Variants in DPYD observed in about 807,000 individuals in gnomAD.
The protein encoded by DPYD is dihydropyrimidine dehydrogenase [NADP(+)].
A neutral mutation model predicts 116.2 loss-of-function variants in DPYD; 109 were observed. That is an observed-to-expected ratio of 0.94 (90% confidence interval 0.80 to 1.10). The LOEUF (loss-of-function observed/expected upper bound fraction) is 1.10, where lower values mean the gene tolerates loss of function less well. DPYD is among the 50% of genes least tolerant of loss of function. The probability of loss-of-function intolerance (pLI) is 0.00; values close to 1 mark genes in which losing one functional copy is unlikely to be tolerated. For missense variants in DPYD, 1,302 were observed against 1,254.5 expected, an observed-to-expected ratio of 1.04 and a Z score of -0.57; for synonymous variants, 440 against 432.0, an observed-to-expected ratio of 1.02 and a Z score of -0.23.
intron 12 of DPYD, among the ~76,000 whole-genome samples, chr1:97,526,823 C>G (rs998743829): frequency 6.6e-6 from 1 of 152,144 alleles, no homozygotes; most frequent in African/African-American, 2.4e-5. Context: ...AAAAATAGGA[C>G]AGTTAAAATG....
rs1223986153 is a variant in DPYD, at chr1:97,224,999, GTCTGTCTATCTATCTATCTA to G, written c.2442+9833_2442+9852del. ...TACAGATCTATCTAACTATCTGTCTGTCTGTCTATCTATCTATCTATCTATCTATCTATCTATCTATCTAT... is the reference window on the plus strand; with the variant it reads ...TACAGATCTATCTAACTATCTGTCTGTCTATCTATCTATCTATCTATCTAT... On this transcript the variant is annotated intron_variant, in intron 19 of 22. Coordinates refer to ENST00000370192, the MANE Select transcript of DPYD (RefSeq NM_000110.4). Among the ~76,000 whole-genome samples, 195 of 142,364 alleles carry G rather than the reference GTCTGTCTATCTATCTATCTA, an allele frequency of 1.4e-3. 1 individual carries two copies. The highest frequency in any genetic ancestry group is 3.1e-3 in the African/African-American group (117 of 38,310). 93.4% of individuals were successfully genotyped at this position (142,364 alleles called of 152,430 possible).
chr1:97,115,279 C>T (rs527695996), intron 20 of DPYD, among the ~76,000 whole-genome samples: 40 of 152,280 alleles, frequency 2.6e-4, no homozygotes, highest in African/African-American at 8.7e-4. Flanking sequence ...GGTATTGCAA[C>T]ATTTTGTGTT....
chr1:97,884,356 G>A (rs981066097), intron 1 of DPYD, among the ~76,000 whole-genome samples: 1 of 152,056 alleles, frequency 6.6e-6, no homozygotes, highest in Admixed American at 6.6e-5. Flanking sequence ...TTTCAATAAT[G>A]ATTATGTGTT....
intron 5 of DPYD, among the ~76,000 whole-genome samples, chr1:97,701,483 G>A (rs1461120965): frequency 6.6e-6 from 1 of 151,588 alleles, no homozygotes; most frequent in East Asian, 1.9e-4. Flanking sequence ...CTATCCAATG[G>A]ATTGGCTCAC....
intron 8 of DPYD, among the ~76,000 whole-genome samples, chr1:97,675,619 C>T (rs2100907843): frequency 6.6e-6 from 1 of 152,164 alleles, no homozygotes; most frequent in East Asian, 1.9e-4. Flanking sequence ...GCTTAATGAG[C>T]TATCTTCATT....
At chr1:97,380,355 A>G (rs867227143) in intron 15 of DPYD, among the ~76,000 whole-genome samples, 1 of 152,306 alleles carries the variant, frequency 6.6e-6, no homozygotes, top group Middle Eastern at 3.4e-3. Context: ...GATCAAGAAA[A>G]CTAACTAGAT....
intron 10 of DPYD, among the ~76,000 whole-genome samples, chr1:97,579,049 A>C (rs1428466503): frequency 6.6e-6 from 1 of 152,262 alleles, no homozygotes; most frequent in Non-Finnish European, 1.5e-5. Flanking sequence ...TACCTTATTT[A>C]ACATTCTATC....
chr1:97,919,315 G>C (rs1303985533), intron 1 of DPYD, among the ~76,000 whole-genome samples: 3 of 152,202 alleles, frequency 2.0e-5, no homozygotes, highest in Non-Finnish European at 4.4e-5. Flanking sequence ...ATTGAGTGGA[G>C]GGAGTGGGAA....
intron 19 of DPYD, among the ~76,000 whole-genome samples, chr1:97,230,300 G>T (rs1423193569): frequency 6.6e-6 from 1 of 152,194 alleles, no homozygotes; most frequent in Non-Finnish European, 1.5e-5. Context: ...ATACTATTCA[G>T]CCATAAAAAG....
chr1:97,275,631 T>C (rs377334684), intron 18 of DPYD, among the ~76,000 whole-genome samples: 1 of 152,220 alleles, frequency 6.6e-6, no homozygotes, highest in Admixed American at 6.5e-5. Context: ...TGAATATATG[T>C]CATCTATTTC....
At chr1:97,225,494 C>A (rs1433367815) in intron 19 of DPYD, among the ~76,000 whole-genome samples, 1 of 149,752 alleles carries the variant, frequency 6.7e-6, no homozygotes, top group Non-Finnish European at 1.5e-5. Context: ...AACTCTCATT[C>A]ATTTTTCTAT....
Position 97,529,847 on chromosome 1 carries a change from T to C in DPYD, c.1525-13906A>G, listed in dbSNP as rs914820583. Among the ~76,000 whole-genome samples, 3 of 150,782 alleles carry C rather than the reference T, an allele frequency of 2.0e-5. No individual in the cohort carries two copies. In the East Asian group the frequency reaches 5.8e-4, roughly 29 times the overall value. ...TCTTTTTCTCTCTCTTCTCTCTCCC[T>C]TCCCTCCTGTCTTCCCTTTCCTTCT... On this transcript the variant is annotated intron_variant, in intron 12 of 22. Transcript: ENST00000370192.
chr1:97,111,783 A>G (rs1651618578), intron 20 of DPYD, among the ~76,000 whole-genome samples: 1 of 152,106 alleles, frequency 6.6e-6, no homozygotes, highest in Non-Finnish European at 1.5e-5. Context: ...TCTTGAATGA[A>G]TGAAGGTACT....
chr1:97,719,129 T>A (rs1031691400), intron 5 of DPYD, among the ~76,000 whole-genome samples: 5 of 100,088 alleles, frequency 5.0e-5, no homozygotes, highest in African/African-American at 1.7e-4. Flanking sequence ...AAAGGCTGAA[T>A]AGGAATGACA....
At chr1:97,100,546 T>C (rs2101599766) in intron 20 of DPYD, among the ~76,000 whole-genome samples, 1 of 152,194 alleles carries the variant, frequency 6.6e-6, no homozygotes, top group South Asian at 2.1e-4. Flanking sequence ...ACCATTATTT[T>C]CCCTGTTGGG....
At chr1:97,179,355 G>T (rs561029805) in intron 20 of DPYD, among the ~76,000 whole-genome samples, 1 of 152,252 alleles carries the variant, frequency 6.6e-6, no homozygotes, top group South Asian at 2.1e-4. Context: ...GGGTTTGAAA[G>T]GTGCCCAGAT....
chr1:97,228,306 C>T (rs76909400), intron 19 of DPYD, among the ~76,000 whole-genome samples: 3,303 of 152,048 alleles, frequency 0.022, 101 homozygotes, highest in African/African-American at 0.058. Flanking sequence ...ACTTATGCAA[C>T]TTATGAAAAA....
chr1:97,668,438 C>T (rs1433125473), intron 8 of DPYD, among the ~76,000 whole-genome samples: 1 of 152,054 alleles, frequency 6.6e-6, no homozygotes, highest in Admixed American at 6.6e-5. Flanking sequence ...TTGCACAGAA[C>T]TCAATAAATG....
intron 3 of DPYD, among the ~76,000 whole-genome samples, chr1:97,790,545 CTGACATTTGTCTCAGAAAACG>C (rs1203674348): frequency 1.3e-5 from 2 of 152,314 alleles, no homozygotes; most frequent in Non-Finnish European, 2.9e-5. Context: ...TCTTACTTTT[CTGACATTTGTCTCAGAAAACG>C]TGCTTGAATA....
Sources: allele counts gnomAD v4.1 joint callset (sites outside exome capture counted in the v4.1 genomes callset), GRCh38; gene constraint gnomAD v4.1.1; transcripts MANE v1.5; gene names NCBI Gene and HGNC (gene_info 2026-07-23, HGNC 2026-07-21).